Variants in PRUNE2 observed in about 807,000 individuals in gnomAD.
PRUNE2 encodes the protein protein prune homolog 2.
Under a neutral mutation model 252.0 loss-of-function variants are expected in PRUNE2, and 164 were observed. The observed-to-expected ratio is 0.65, with a 90% confidence interval of 0.57 to 0.74. The LOEUF (loss-of-function observed/expected upper bound fraction) is 0.74, where lower values mean the gene tolerates loss of function less well. PRUNE2 is among the 30% of genes least tolerant of loss of function. PRUNE2 has a pLI of 0.00. For synonymous variants in PRUNE2, 1,292 were observed against 1,350.2 expected (o/e 0.96, Z 0.94); for missense variants, 3,495 against 3,711.0 (o/e 0.94, Z 1.51).
intron 9 of PRUNE2, among the ~76,000 whole-genome samples, chr9:76,670,644 A>G (rs1019251623): frequency 3.3e-5 from 5 of 152,186 alleles, no homozygotes; most frequent in African/African-American, 7.2e-5. Context: ...GCAGACTTAA[A>G]TGTCCCTGTC....
chr9:76,662,993 T>C (rs2039408815), intron 9 of PRUNE2, among the ~76,000 whole-genome samples: 1 of 152,156 alleles, frequency 6.6e-6, no homozygotes, highest in Non-Finnish European at 1.5e-5. Context: ...GTTAAGAATA[T>C]CAATTAGCCT....
chr9:76,804,852 C>G (rs2056821256), intron 6 of PRUNE2, among the ~76,000 whole-genome samples: 1 of 152,176 alleles, frequency 6.6e-6, no homozygotes, highest in South Asian at 2.1e-4. Flanking sequence ...TTCTCTCTTC[C>G]TCTTCCTTTC....
chr9:76,615,282 A>T, intron 18 of PRUNE2: 2 of 972,372 alleles, frequency 2.1e-6, no homozygotes, highest in Non-Finnish European at 2.4e-6. Flanking sequence ...GCCAGTAAAT[A>T]GAGGAAGAAT....
At chr9:76,674,176 C>T (rs2042068748) in intron 9 of PRUNE2, among the ~76,000 whole-genome samples, 1 of 151,906 alleles carries the variant, frequency 6.6e-6, no homozygotes, top group African/African-American at 2.4e-5. Flanking sequence ...AGCCCAAAAT[C>T]TCCTTAAGCT....
intron 12 of PRUNE2, among the ~76,000 whole-genome samples, chr9:76,643,862 G>C (rs149134285): frequency 6.7e-4 from 102 of 152,248 alleles, no homozygotes; most frequent in Non-Finnish European, 1.3e-3. Flanking sequence ...GCAGTGTTTT[G>C]AGGCAGTGCT....
chr9:76,900,264 AG>A (rs1297140973), intron 1 of PRUNE2, among the ~76,000 whole-genome samples: 4 of 152,208 alleles, frequency 2.6e-5, no homozygotes, highest in African/African-American at 9.7e-5. Flanking sequence ...AAACATGCAA[AG>A]TAGGCATCAC....
chr9:76,769,830 A>G (rs1432614515), intron 6 of PRUNE2, among the ~76,000 whole-genome samples: 2 of 152,236 alleles, frequency 1.3e-5, no homozygotes, highest in Non-Finnish European at 2.9e-5. Flanking sequence ...TTTCTGGATT[A>G]CTTTCAAAAA....
intron 1 of PRUNE2, among the ~76,000 whole-genome samples, chr9:76,861,788 T>A (rs1470589448): frequency 1.6e-5 from 2 of 123,650 alleles, no homozygotes; most frequent in Non-Finnish European, 3.1e-5. Flanking sequence ...TTTACAGCAT[T>A]TTTTTTTTTT....
intron 4 of PRUNE2, 85 bp downstream of exon 4, chr9:76,846,430 A>G: frequency 8.2e-7 from 1 of 1,225,644 alleles, no homozygotes; most frequent in Non-Finnish European, 1.1e-6. Flanking sequence ...TTAACCCAAG[A>G]ATGGATCGCA....
intron 1 of PRUNE2, among the ~76,000 whole-genome samples, chr9:76,884,459 G>A (rs980450838): frequency 9.2e-5 from 14 of 152,174 alleles, no homozygotes; most frequent in Non-Finnish European, 2.1e-4. Context: ...TTTAACAGAT[G>A]AGAAAACTAA....
At chr9:76,898,486 G>C (rs17787819) in intron 1 of PRUNE2, among the ~76,000 whole-genome samples, 15,915 of 152,102 alleles carry the variant, frequency 0.1, 1,086 homozygotes, top group South Asian at 0.23. Flanking sequence ...TCAAATTTGA[G>C]TAGATGAACC....
intron 11 of PRUNE2, among the ~76,000 whole-genome samples, chr9:76,648,538 C>T (rs549462073): frequency 3.0e-4 from 45 of 152,186 alleles, no homozygotes; most frequent in Non-Finnish European, 5.4e-4. Context: ...ACCTTAATTG[C>T]GTAAGTGAAG....
In PRUNE2 at chr9:76,708,975, C is replaced by T. The variant is rs184197058; in HGVS notation, c.3299G>A (p.Ser1100Asn). ...ETNRQLTLLH[S>N]STNSRQTAPD... The stretch of plus-strand genomic sequence containing the variant: ...GGCCGTCTGCCGGGAGTTGGTGCTG[C>T]TGTGCAAAAGTGTGAGTTGTCGGTT... Residue 1100 changes from serine to asparagine, a missense_variant, in exon 8 of 19, where the codon AGC becomes AAC. Transcript: ENST00000376718. 2.9e-4 allele frequency: 461 copies of T among 1,613,974 alleles called. 1 individual carries two copies. The African/African-American group carries it at 5.6e-3, about 19-fold the overall frequency.
At chr9:76,857,192 G>C (rs555167586) in intron 1 of PRUNE2, 3 of 452,420 alleles carry the variant, frequency 6.6e-6, no homozygotes, top group African/African-American at 6.0e-5. Context: ...CAGTTTCCAG[G>C]CTTCAGCACT....
At position 76,703,698 on chromosome 9, in the gene PRUNE2, T is replaced by C. The variant is rs1308490505; in HGVS notation, c.7915A>G (p.Ser2639Gly). 8 of 1,613,154 alleles carry C rather than the reference T, an allele frequency of 5.0e-6. No individual in the cohort carries two copies. The highest frequency in any genetic ancestry group is 5.9e-6 in the Non-Finnish European group (7 of 1,179,824). ...QDQSWMFLGH[S>G]EVGDPSLDAR... ...TCCAGTGATGGATCACCAACCTCAC[T>C]ATGGCCCAAGAACATCCAACTCTGG... The change falls in exon 9 of 19, where the codon AGT becomes GGT. Residue 2639 changes from serine to glycine, a missense_variant. By Grantham distance (56) the Ser-to-Gly change is moderately conservative. Transcript: ENST00000376718.
rs745862731 is a variant in PRUNE2, at chr9:76,710,353, T to C, written c.1921A>G (p.Thr641Ala). Residue 641 changes from threonine to alanine, a missense_variant, in exon 8 of 19, where the codon ACA becomes GCA. Transcript: ENST00000376718. ...TEDMTQKATD[T>A]GHMGPPQTHA... ...GTCTGAGGTGGCCCCATGTGACCTG[T>C]GTCAGTTGCTTTTTGGGTCATATCT... 13 of 1,613,878 alleles carry C rather than the reference T, an allele frequency of 8.1e-6. No individual in the cohort carries two copies. The Admixed American group carries it at 1.7e-4, about 21-fold the overall frequency.
intron 6 of PRUNE2, among the ~76,000 whole-genome samples, chr9:76,811,063 A>C (rs1421750494): frequency 6.6e-6 from 1 of 152,238 alleles, no homozygotes; most frequent in Non-Finnish European, 1.5e-5. Flanking sequence ...AAATGAGAAG[A>C]AGTAAGCAAC....
intron 9 of PRUNE2, among the ~76,000 whole-genome samples, chr9:76,680,301 A>G (rs1010773179): frequency 2.6e-5 from 4 of 152,202 alleles, no homozygotes; most frequent in African/African-American, 9.6e-5. Flanking sequence ...CAAAACTACA[A>G]TGATATATCA....
chr9:76,845,946 A>G (rs932537906), intron 4 of PRUNE2, among the ~76,000 whole-genome samples: 1 of 152,208 alleles, frequency 6.6e-6, no homozygotes, highest in Non-Finnish European at 1.5e-5. Context: ...AGAGATTACT[A>G]GAGTAACTGA....
Sources: gnomAD v4.1 joint callset for allele counts (sites outside exome capture counted in the v4.1 genomes callset) on GRCh38, gnomAD v4.1.1 for gene constraint, MANE v1.5 for transcripts, NCBI Gene and HGNC (gene_info 2026-07-23, HGNC 2026-07-21) for gene names.